Variants in PAK1 observed in about 807,000 individuals in gnomAD.
The protein encoded by PAK1 is serine/threonine-protein kinase PAK 1.
Under a neutral mutation model 67.4 loss-of-function variants are expected in PAK1, and 29 were observed. That is an observed-to-expected ratio of 0.43 (90% CI 0.32 to 0.59). The LOEUF (loss-of-function observed/expected upper bound fraction) is 0.59, where lower values mean the gene tolerates loss of function less well. PAK1 is among the 20% of genes least tolerant of loss of function. The probability of loss-of-function intolerance (pLI) is 0.07; values close to 1 mark genes in which losing one functional copy is unlikely to be tolerated. For synonymous variants in PAK1, 223 were observed against 237.4 expected (o/e 0.94, Z 0.56); for missense variants, 337 against 670.7 (o/e 0.50, Z 5.50).
intron 11 of PAK1, among the ~76,000 whole-genome samples, chr11:77,337,776 A>G (rs489038): frequency 0.7 from 106,042 of 151,970 alleles, 37,777 homozygotes; most frequent in African/African-American, 0.84. Context: ...ATGACAGACC[A>G]GAGGAAAACA....
the PAK1 span, among the ~76,000 whole-genome samples, chr11:77,507,754 G>A: frequency 3.9e-5 from 6 of 151,988 alleles, no homozygotes; most frequent in Admixed American, 2.6e-4. Context: ...TTGAACTCCT[G>A]GCCTCAAGCA....
chr11:77,427,173 C>T (rs1203562538), intron 1 of PAK1, among the ~76,000 whole-genome samples: 1 of 152,206 alleles, frequency 6.6e-6, no homozygotes, highest in Non-Finnish European at 1.5e-5. Context: ...CCCTCCTTTG[C>T]TGACACTTCA....
chr11:77,488,897 T>C, the PAK1 span, among the ~76,000 whole-genome samples: 176 of 152,132 alleles, frequency 1.2e-3, 1 homozygote, highest in Non-Finnish European at 2.2e-3. Flanking sequence ...GGGAAAATAA[T>C]AGAGAACTTT....
At chr11:77,392,180 C>T in intron 2 of PAK1, 151 bp downstream of exon 2, 1 of 530,146 alleles carries the variant, frequency 1.9e-6, no homozygotes, top group Non-Finnish European at 3.2e-6. Context: ...TTCCATTTTG[C>T]TTCAGCCACT....
chr11:77,430,800 A>G (rs1955824839), intron 1 of PAK1, among the ~76,000 whole-genome samples: 1 of 152,230 alleles, frequency 6.6e-6, no homozygotes, highest in Non-Finnish European at 1.5e-5. Flanking sequence ...CAGAAGTGCC[A>G]GAAACACAGT....
intron 1 of PAK1, among the ~76,000 whole-genome samples, chr11:77,431,783 C>A (rs1268808481): frequency 6.6e-6 from 1 of 152,120 alleles, no homozygotes; most frequent in Non-Finnish European, 1.5e-5. Context: ...GTCTTAAATA[C>A]CAAGTCTAAC....
the PAK1 span, chr11:77,514,844 G>GCAAGGTATATATTGGCTGCATTT: frequency 6.6e-6 from 1 of 152,000 alleles, no homozygotes; most frequent in African/African-American, 2.4e-5. Flanking sequence ...TAACAATCCT[G>GCAAGGTATATATTGGCTGCATTT]CACAGGTGCA....
chr11:77,355,803 G>C lies in PAK1; in HGVS notation c.637C>G (p.Pro213Ala), dbSNP rs776284597. 2.5e-6 allele frequency: 4 copies of C among 1,613,672 alleles called. No homozygotes were observed. The highest frequency in any genetic ancestry group is 1.7e-4 in the Middle Eastern group (1 of 6,054). Residue 213 changes from proline to alanine, a missense_variant, in exon 7 of 15, where the codon CCA (proline) becomes GCA (alanine). By Grantham distance (27) the Pro-to-Ala change is conservative. This residue lies in a region of PAK1 where 150 missense variants were observed against 179.0 expected (regional missense o/e 0.84). Transcript: ENST00000356341. ...RSVIEPLPVT[P>A]TRDVATSPIS... ...GGAGATGTAGCCACGTCCCGAGTTG[G>C]AGTGACAGGAAGTGGTTCAATCACA...
chr11:77,410,847 G>T (rs1230180362), intron 1 of PAK1, among the ~76,000 whole-genome samples: 3 of 152,084 alleles, frequency 2.0e-5, no homozygotes, highest in Non-Finnish European at 4.4e-5. Flanking sequence ...CTTGGTGCCA[G>T]GTAATAAAGA....
chr11:77,489,229 C>T, the PAK1 span, among the ~76,000 whole-genome samples: 2 of 152,178 alleles, frequency 1.3e-5, no homozygotes, highest in Admixed American at 1.3e-4. Context: ...AATAATGAAG[C>T]AGCCTTATTC....
chr11:77,490,020 C>A, the PAK1 span, among the ~76,000 whole-genome samples: 1 of 151,524 alleles, frequency 6.6e-6, no homozygotes, highest in Non-Finnish European at 1.5e-5. Context: ...CTCTTCCCGG[C>A]CGCCATCCCA....
the PAK1 span, among the ~76,000 whole-genome samples, chr11:77,526,077 T>C: frequency 1.2e-4 from 19 of 152,218 alleles, no homozygotes; most frequent in Admixed American, 6.5e-5. Flanking sequence ...ATTTATTTTA[T>C]CCAATCCACC....
At chr11:77,452,125 T>C (rs1210592625) in intron 1 of PAK1, among the ~76,000 whole-genome samples, 1 of 152,192 alleles carries the variant, frequency 6.6e-6, no homozygotes, top group Non-Finnish European at 1.5e-5. Flanking sequence ...CATAAGTAAA[T>C]TGGCCACGTC....
intron 1 of PAK1, among the ~76,000 whole-genome samples, chr11:77,457,018 G>A (rs1014408486): frequency 1.3e-5 from 2 of 152,158 alleles, no homozygotes; most frequent in African/African-American, 4.8e-5. Context: ...TGGGATTACA[G>A]GCATGAACTG....
chr11:77,331,913 G>A (rs1855750966), intron 14 of PAK1, among the ~76,000 whole-genome samples: 1 of 152,052 alleles, frequency 6.6e-6, no homozygotes, highest in Admixed American at 6.6e-5. Flanking sequence ...CAAAATATAA[G>A]TTGTGTAAGA....
the PAK1 span, among the ~76,000 whole-genome samples, chr11:77,493,454 T>TG: frequency 7.4e-6 from 1 of 135,778 alleles, no homozygotes; most frequent in African/African-American, 2.9e-5. Flanking sequence ...AATTTTTTTT[T>TG]TTTTTTTTTT....
At chr11:77,404,638 G>A (rs1024365702) in intron 1 of PAK1, among the ~76,000 whole-genome samples, 2 of 152,096 alleles carry the variant, frequency 1.3e-5, no homozygotes, top group African/African-American at 4.8e-5. Context: ...TCAAATCTAT[G>A]TGCCTCCCTG....
At chr11:77,339,395 T>A (rs1943231362) in intron 11 of PAK1, among the ~76,000 whole-genome samples, 1 of 152,070 alleles carries the variant, frequency 6.6e-6, no homozygotes. Flanking sequence ...ATCTGTGATA[T>A]TACAATTTCA....
At chr11:77,389,117 C>A (rs966518939) in intron 2 of PAK1, among the ~76,000 whole-genome samples, 1 of 152,148 alleles carries the variant, frequency 6.6e-6, no homozygotes, top group African/African-American at 2.4e-5. Context: ...CCAAGGCAAC[C>A]GCTAATCTAC....
Sources: gnomAD v4.1 joint callset for allele counts (sites outside exome capture counted in the v4.1 genomes callset) on GRCh38, gnomAD v4.1.1 for gene constraint, gnomAD v4.1.1 regional missense constraint, MANE v1.5 for transcripts, NCBI Gene and HGNC (gene_info 2026-07-23, HGNC 2026-07-21) for gene names.